SLC8A1: variants seen among roughly 807,000 people sequenced by gnomAD.
SLC8A1 encodes the protein sodium/calcium exchanger 1.
In SLC8A1, 18 loss-of-function variants were observed where a neutral mutation model predicts 68.3. That is an observed-to-expected ratio of 0.26 (90% confidence interval 0.18 to 0.39). The LOEUF (loss-of-function observed/expected upper bound fraction) is 0.39, where lower values mean the gene tolerates loss of function less well. Ranked by LOEUF, SLC8A1 falls within the 10% of genes least tolerant of loss-of-function variation. The pLI is 1.00. For missense variants in SLC8A1, 985 were observed against 1,156.7 expected (o/e 0.85, Z 2.15); for synonymous variants, 475 against 415.5 (o/e 1.14, Z -1.74).
chr2:40,286,663 G>A (rs1210292251), intron 2 of SLC8A1, among the ~76,000 whole-genome samples: 9 of 152,148 alleles, frequency 5.9e-5, no homozygotes, highest in Admixed American at 5.9e-4. Flanking sequence ...TTCCACTGAT[G>A]ACTTTCTCCA....
chr2:40,386,876 A>AT (rs1282493583), intron 2 of SLC8A1, among the ~76,000 whole-genome samples: 1 of 151,202 alleles, frequency 6.6e-6, no homozygotes, highest in Non-Finnish European at 1.5e-5. Context: ...ACAAACTACC[A>AT]TTTTGTCTTC....
At chr2:40,196,585 G>A (rs926732569) in intron 2 of SLC8A1, among the ~76,000 whole-genome samples, 1 of 151,980 alleles carries the variant, frequency 6.6e-6, no homozygotes, top group Admixed American at 6.6e-5. Flanking sequence ...CTATAGTGCT[G>A]AAAAGCTCCC....
At chr2:40,216,438 T>C (rs1461382723) in intron 2 of SLC8A1, among the ~76,000 whole-genome samples, 1 of 152,204 alleles carries the variant, frequency 6.6e-6, no homozygotes, top group Non-Finnish European at 1.5e-5. Flanking sequence ...ATGACTGCTA[T>C]TGGAAATAGT....
chr2:40,270,304 A>G (rs1010428802), intron 2 of SLC8A1, among the ~76,000 whole-genome samples: 3 of 152,206 alleles, frequency 2.0e-5, no homozygotes, highest in Non-Finnish European at 4.4e-5. Flanking sequence ...TTCCTTTTCT[A>G]ATGCTGCTGT....
intron 2 of SLC8A1, among the ~76,000 whole-genome samples, chr2:40,383,288 A>G (rs548797593): frequency 6.6e-6 from 1 of 152,216 alleles, no homozygotes; most frequent in East Asian, 1.9e-4. Context: ...ACTTTTACAT[A>G]CCGGAACAAA....
intron 6 of SLC8A1, among the ~76,000 whole-genome samples, chr2:40,155,432 G>C (rs2044296586): frequency 6.6e-6 from 1 of 152,104 alleles, no homozygotes; most frequent in African/African-American, 2.4e-5. Context: ...CCTGGCCCTA[G>C]CAGAATTTTT....
intron 1 of SLC8A1, among the ~76,000 whole-genome samples, chr2:40,444,556 T>C (rs541555207): frequency 1.3e-5 from 2 of 152,272 alleles, no homozygotes; most frequent in South Asian, 4.1e-4. Flanking sequence ...CAATGTTTCA[T>C]TTGCGTCTCT....
At chr2:40,408,684 C>T (rs1045495391) in intron 2 of SLC8A1, among the ~76,000 whole-genome samples, 1 of 152,158 alleles carries the variant, frequency 6.6e-6, no homozygotes, top group African/African-American at 2.4e-5. Flanking sequence ...CATGCCTTCA[C>T]ACACACAACA....
intron 2 of SLC8A1, among the ~76,000 whole-genome samples, chr2:40,238,785 A>AT (rs34429888): frequency 0.12 from 18,682 of 151,972 alleles, 1,220 homozygotes; most frequent in Non-Finnish European, 0.14. Flanking sequence ...ACTTATATAA[A>AT]TTTTTTTTCA....
intron 1 of SLC8A1, among the ~76,000 whole-genome samples, chr2:40,468,882 C>T (rs1559752431): frequency 6.6e-6 from 1 of 151,796 alleles, no homozygotes; most frequent in Non-Finnish European, 1.5e-5. Context: ...TTTATACCAG[C>T]CTGGGCAATA....
intron 6 of SLC8A1, among the ~76,000 whole-genome samples, chr2:40,148,047 T>C (rs2042769241): frequency 6.6e-6 from 1 of 152,208 alleles, no homozygotes; most frequent in African/African-American, 2.4e-5. Context: ...GAGAAAAATC[T>C]CTGTGGTTTG....
exon 4 of SLC8A1, chr2:40,174,831 T>A (rs200952740): frequency 6.2e-7 from 1 of 1,609,748 alleles, no homozygotes; most frequent in Non-Finnish European, 8.5e-7. Context: ...ATACCTGTTA[T>A]TGTGAAGCCA....
chr2:40,351,081 G>A (rs1245515809), intron 2 of SLC8A1, among the ~76,000 whole-genome samples: 1 of 151,968 alleles, frequency 6.6e-6, no homozygotes, highest in Non-Finnish European at 1.5e-5. Context: ...ACAATCTCAG[G>A]TAAAGCATTA....
intron 2 of SLC8A1, among the ~76,000 whole-genome samples, chr2:40,308,862 T>C (rs1259822607): frequency 1.3e-5 from 2 of 152,100 alleles, no homozygotes; most frequent in African/African-American, 4.8e-5. Context: ...CTTTTAAAAA[T>C]AGGACTTGCT....
chr2:40,404,923 A>G (rs1261770686), intron 2 of SLC8A1, among the ~76,000 whole-genome samples: 1 of 152,204 alleles, frequency 6.6e-6, no homozygotes, highest in African/African-American at 2.4e-5. Context: ...TTCAAAGCCC[A>G]TGAAAGCTTG....
intron 2 of SLC8A1, among the ~76,000 whole-genome samples, chr2:40,347,666 A>G (rs886275040): frequency 2.0e-5 from 3 of 152,234 alleles, no homozygotes; most frequent in Non-Finnish European, 4.4e-5. Flanking sequence ...CTTTAATCGA[A>G]TGTTATACTA....
intron 2 of SLC8A1, among the ~76,000 whole-genome samples, chr2:40,307,795 G>A (rs111511445): frequency 1.3e-3 from 195 of 152,218 alleles, no homozygotes; most frequent in Middle Eastern, 0.01. Flanking sequence ...GCATAGGATA[G>A]CAGCAAAGGC....
chr2:40,365,215 A>C (rs1675755538), intron 2 of SLC8A1, among the ~76,000 whole-genome samples: 1 of 151,560 alleles, frequency 6.6e-6, no homozygotes, highest in South Asian at 2.1e-4. Flanking sequence ...CATATGACTA[A>C]ACCAAAAAAA....
At chr2:40,150,561 G>C (rs1371767215) in intron 6 of SLC8A1, among the ~76,000 whole-genome samples, 1 of 152,130 alleles carries the variant, frequency 6.6e-6, no homozygotes, top group African/African-American at 2.4e-5. Context: ...AGAGCTCTTG[G>C]ACCCAGTGAT....
Sources: gnomAD v4.1 joint callset for allele counts (sites outside exome capture counted in the v4.1 genomes callset) on GRCh38, gnomAD v4.1.1 for gene constraint, MANE v1.5 for transcripts, NCBI Gene and HGNC (gene_info 2026-07-23, HGNC 2026-07-21) for gene names.